DOCK1: variants seen among roughly 807,000 people sequenced by gnomAD.
The protein encoded by DOCK1 is dedicator of cytokinesis protein 1.
DOCK1 carries 138 observed loss-of-function variants against 262.7 expected under a neutral mutation model. The observed-to-expected ratio is 0.53, with a 90% CI of 0.46 to 0.61. The LOEUF (loss-of-function observed/expected upper bound fraction) is 0.61. Among genes scored for constraint, DOCK1 ranks in the 20% least tolerant of loss-of-function variants. The pLI is 0.00. For missense variants in DOCK1, 1,908 were observed against 2,370.7 expected, an observed-to-expected ratio of 0.80 and a Z score of 4.05; for synonymous variants, 866 against 867.4, an observed-to-expected ratio of 1.00 and a Z score of 0.03.
chr10:127,349,316 C>T (rs1404929853), intron 31 of DOCK1, among the ~76,000 whole-genome samples: 1 of 152,012 alleles, frequency 6.6e-6, no homozygotes, highest in Non-Finnish European at 1.5e-5. Context: ...CCTAGATGTT[C>T]TCCCCACATC....
chr10:127,305,081 A>G (rs868295549), intron 29 of DOCK1, among the ~76,000 whole-genome samples: 1 of 152,084 alleles, frequency 6.6e-6, no homozygotes, highest in South Asian at 2.1e-4. Context: ...CACATTTTTC[A>G]GGTTTTCCAG....
intron 28 of DOCK1, among the ~76,000 whole-genome samples, chr10:127,252,200 GT>G (rs2059675251): frequency 7.4e-6 from 1 of 134,242 alleles, no homozygotes; most frequent in Non-Finnish European, 1.7e-5. Context: ...AGAAGTGTCT[GT>G]TCATGTCCTT....
intron 20 of DOCK1, 35 bp downstream of exon 20, chr10:127,042,749 C>CACAGCGTTCTTCCATGCT: frequency 1.2e-6 from 2 of 1,600,302 alleles, no homozygotes; most frequent in Non-Finnish European, 1.7e-6. Flanking sequence ...GCTTGGATAA[C>CACAGCGTTCTTCCATGCT]ACAGCGTTCT....
intron 27 of DOCK1, among the ~76,000 whole-genome samples, chr10:127,206,380 G>T (rs191155184): frequency 7.2e-5 from 11 of 152,130 alleles, no homozygotes; most frequent in African/African-American, 2.7e-4. Context: ...GTGACCTCAA[G>T]TGATCTGCCC....
intron 24 of DOCK1, among the ~76,000 whole-genome samples, chr10:127,109,829 C>A (rs1389158782): frequency 6.6e-6 from 1 of 151,720 alleles, no homozygotes; most frequent in African/African-American, 2.4e-5. Flanking sequence ...GATTCATGGA[C>A]AAATTGTTGT....
intron 37 of DOCK1, among the ~76,000 whole-genome samples, chr10:127,382,566 A>C (rs1435135013): frequency 2.0e-5 from 3 of 152,224 alleles, no homozygotes; most frequent in Non-Finnish European, 4.4e-5. Flanking sequence ...CCCAAGGAGC[A>C]TAATTTATAA....
intron 29 of DOCK1, among the ~76,000 whole-genome samples, chr10:127,288,449 G>A (rs1398609402): frequency 6.6e-6 from 1 of 152,042 alleles, no homozygotes; most frequent in African/African-American, 2.4e-5. Context: ...AAGCCTTTTA[G>A]TGGGCAGAGC....
intron 1 of DOCK1, among the ~76,000 whole-genome samples, chr10:126,966,767 C>G (rs1414943496): frequency 3.3e-5 from 5 of 152,154 alleles, no homozygotes; most frequent in Non-Finnish European, 7.4e-5. Context: ...GATCCACTCA[C>G]TGTAGGCTGT....
chr10:127,150,711 A>G (rs2052402938), intron 27 of DOCK1, among the ~76,000 whole-genome samples: 1 of 152,244 alleles, frequency 6.6e-6, no homozygotes, highest in Admixed American at 6.5e-5. Context: ...GCATGAGAAG[A>G]TAGTCATTGC....
intron 1 of DOCK1, among the ~76,000 whole-genome samples, chr10:126,925,083 C>G (rs968702714): frequency 1.4e-4 from 22 of 152,206 alleles, no homozygotes; most frequent in African/African-American, 5.3e-4. Flanking sequence ...TATCACTGAT[C>G]TAGTCATGAT....
chr10:127,362,934 T>TC (rs1182560149), intron 33 of DOCK1, among the ~76,000 whole-genome samples: 1 of 11,668 alleles, frequency 8.6e-5, no homozygotes, highest in African/African-American at 3.5e-4. Flanking sequence ...CACATGCACA[T>TC]CCCCCCACAC....
intron 4 of DOCK1, among the ~76,000 whole-genome samples, chr10:126,984,409 G>C: frequency 6.6e-6 from 1 of 152,106 alleles, no homozygotes; most frequent in East Asian, 1.9e-4. Flanking sequence ...GTGCAGTGGC[G>C]AGATCTTGGC....
chr10:127,095,176 C>T (rs527529691), intron 23 of DOCK1, among the ~76,000 whole-genome samples: 29 of 152,312 alleles, frequency 1.9e-4, no homozygotes, highest in Non-Finnish European at 3.4e-4. Context: ...AGAGGGTGTT[C>T]TTGCTGTCTG....
intron 39 of DOCK1, among the ~76,000 whole-genome samples, chr10:127,403,385 T>C (rs2249656): frequency 0.49 from 74,350 of 152,132 alleles, 18,756 homozygotes; most frequent in East Asian, 0.76. Context: ...CTTCTATGAA[T>C]AAATTGTACG....
intron 29 of DOCK1, among the ~76,000 whole-genome samples, chr10:127,292,047 A>C (rs1029825027): frequency 1.1e-4 from 16 of 152,194 alleles, no homozygotes; most frequent in African/African-American, 3.9e-4. Flanking sequence ...CTGTGTGTCC[A>C]AAGTGCCTCT....
chr10:126,953,353 T>C (rs1049894313), intron 1 of DOCK1, among the ~76,000 whole-genome samples: 22 of 151,430 alleles, frequency 1.5e-4, no homozygotes, highest in African/African-American at 5.3e-4. Flanking sequence ...ATGGTGGTTG[T>C]GGTAGTATTG....
Position 127,125,510 on chromosome 10 carries a change from A to T in DOCK1, c.2660A>T (p.Gln887Leu). The T allele has an allele frequency of 1.9e-6, 3 of 1,613,854 alleles. No homozygotes were observed. The South Asian group carries it at 3.3e-5, about 18-fold the overall frequency. The part of the protein sequence containing the change: ...REILLPMMTD[Q>L]LKYHLERQED... ...ATCCTGCTTCCCATGATGACCGATC[A>T]GCTCAAGTACCATCTGGAGAGACAG... The change falls in exon 26 of 52, where the codon CAG (glutamine) becomes CTG (leucine). Residue 887 changes from glutamine to leucine, a missense_variant. Physicochemically the swap from Gln to Leu is moderately radical, Grantham distance 113. Around this residue, in one of 9 missense-constraint regions of DOCK1, gnomAD observed 518 missense variants for 575.1 expected, o/e 0.90. Coordinates refer to ENST00000623213, the MANE Select transcript of DOCK1 (RefSeq NM_001290223.2).
intron 37 of DOCK1, among the ~76,000 whole-genome samples, chr10:127,383,296 C>T (rs1290518036): frequency 6.6e-6 from 1 of 152,148 alleles, no homozygotes; most frequent in East Asian, 1.9e-4. Context: ...TCCATGTTTT[C>T]ATTTGCAAAA....
At position 126,995,712 on chromosome 10, in the gene DOCK1, A is replaced by C. The variant is rs1481004598; in HGVS notation, c.474-1036A>C. Among the ~76,000 whole-genome samples the C allele has an allele frequency of 2.0e-5, 3 of 152,078 alleles. No individual in the cohort carries two copies. The highest frequency in any genetic ancestry group is 7.2e-5 in the African/African-American group (3 of 41,430). The stretch of plus-strand genomic sequence containing the variant: ...GGAGAGGGAGAATGTACTGTTATAG[A>C]CTGGACAGATTTATTAGCCAGATGT... On this transcript the variant is annotated intron_variant, in intron 6 of 51. Coordinates refer to ENST00000623213, the MANE Select transcript of DOCK1 (RefSeq NM_001290223.2). This position sits in a 1 kb window ranked among gnomAD's most constrained non-coding sequence, Gnocchi z 5.8.
Sources: allele counts gnomAD v4.1 joint callset (sites outside exome capture counted in the v4.1 genomes callset), GRCh38; gene constraint gnomAD v4.1.1; regional missense constraint gnomAD v4.1.1; non-coding constraint Gnocchi (gnomAD v3.1); transcripts MANE v1.5; gene names NCBI Gene and HGNC (gene_info 2026-07-23, HGNC 2026-07-21).